MCOLN3: variants seen among roughly 807,000 people sequenced by gnomAD.
MCOLN3 encodes mucolipin-3.
MCOLN3 carries 62 observed loss-of-function variants against 69.4 expected under a neutral mutation model. The observed-to-expected ratio is 0.89, with a 90% CI of 0.73 to 1.10. The LOEUF (loss-of-function observed/expected upper bound fraction) is 1.10, where lower values mean the gene tolerates loss of function less well. MCOLN3 is among the 50% of genes least tolerant of loss of function. MCOLN3 has a pLI of 0.00. For missense variants in MCOLN3, 564 were observed against 656.4 expected (o/e 0.86, Z 1.54); for synonymous variants, 183 against 217.0 (o/e 0.84, Z 1.38).
Position 85,022,437 on chromosome 1 carries a change from G to T in MCOLN3, c.1096-37C>A, listed in dbSNP as rs557663656. On this transcript the variant is annotated intron_variant, in intron 9 of 12. Coordinates refer to ENST00000370589, the MANE Select transcript of MCOLN3 (RefSeq NM_018298.11). ...TGGAAAAATATAATCAGATTATAAA[G>T]CAGAAATTCATTTGGCAATAAATAT... The T allele has an allele frequency of 2.2e-4, 315 of 1,421,862 alleles. 3 individuals carry two copies. The South Asian group carries it at 3.4e-3, about 15-fold the overall frequency. 88.1% of individuals were successfully genotyped at this position (1,421,862 alleles called of 1,614,324 possible).
At chr1:85,043,709 C>T (rs1653195130) in intron 2 of MCOLN3, among the ~76,000 whole-genome samples, 3 of 152,128 alleles carry the variant, frequency 2.0e-5, no homozygotes, top group African/African-American at 7.2e-5. Flanking sequence ...CATATTATCA[C>T]TCAGAAGTTA....
intron 2 of MCOLN3, 151 bp from the exon 3 acceptor site, chr1:85,041,328 T>A: frequency 1.5e-6 from 1 of 658,998 alleles, no homozygotes; most frequent in Non-Finnish European, 2.5e-6. Flanking sequence ...GATAATAAAT[T>A]AAGAAAGTCC....
chr1:85,044,298 T>C (rs568006785), intron 2 of MCOLN3, among the ~76,000 whole-genome samples: 4 of 152,330 alleles, frequency 2.6e-5, no homozygotes, highest in African/African-American at 9.6e-5. Context: ...CAGTTAAAAT[T>C]AGTAATATCC....
chr1:85,045,852 G>A (rs1470365032), intron 1 of MCOLN3, among the ~76,000 whole-genome samples: 4 of 152,114 alleles, frequency 2.6e-5, no homozygotes, highest in Non-Finnish European at 5.9e-5. Context: ...AGATAGCAGG[G>A]TGTAGTGTAA....
intron 12 of MCOLN3, among the ~76,000 whole-genome samples, chr1:85,020,652 C>T (rs867963834): frequency 6.6e-6 from 1 of 152,208 alleles, no homozygotes; most frequent in Non-Finnish European, 1.5e-5. Context: ...GGCTCAGTTA[C>T]AGTACACTCA....
intron 3 of MCOLN3, among the ~76,000 whole-genome samples, chr1:85,037,538 G>A (rs1652855782): frequency 6.6e-6 from 1 of 152,204 alleles, no homozygotes. Context: ...GCAGGTACCT[G>A]TTCACATTAT....
chr1:85,030,718 A>G (rs56101051), intron 6 of MCOLN3, among the ~76,000 whole-genome samples: 5,617 of 152,346 alleles, frequency 0.037, 193 homozygotes, highest in East Asian at 0.19. Context: ...TAAAGGAAAA[A>G]TTTAAAAGCC....
intron 7 of MCOLN3, 123 bp from the exon 8 acceptor site, chr1:85,026,407 T>C (rs1652219827): frequency 1.4e-6 from 1 of 693,350 alleles, no homozygotes; most frequent in African/African-American, 1.8e-5. Context: ...GAAGCCCTGA[T>C]AAACGGTCTT....
intron 9 of MCOLN3, chr1:85,024,800 T>G (rs1202639197): frequency 6.6e-6 from 1 of 152,178 alleles, no homozygotes; most frequent in Non-Finnish European, 1.5e-5. Context: ...TGGTTTTTTA[T>G]TTGTCCCTAA....
intron 3 of MCOLN3, among the ~76,000 whole-genome samples, chr1:85,037,724 C>T (rs1652863881): frequency 6.6e-6 from 1 of 152,128 alleles, no homozygotes; most frequent in African/African-American, 2.4e-5. Context: ...CTCTAGAGCC[C>T]AAGACAGAGG....
rs374397706 is a variant in MCOLN3, at chr1:85,026,314, A to C, written c.833-30T>G. 13 of 1,382,214 alleles carry C rather than the reference A, an allele frequency of 9.4e-6. No homozygotes were observed. The African/African-American group carries it at 1.7e-4, about 18-fold the overall frequency. 85.6% of individuals were successfully genotyped at this position (1,382,214 alleles called of 1,614,324 possible). A position where few individuals can be genotyped will look rare whatever the true frequency, so the allele number is the denominator to read the frequency against. On this transcript the variant is annotated intron_variant, in intron 7 of 12. Transcript: ENST00000370589. Reference sequence around the variant, plus strand: ...AAGCAAAGAGGATTACATAGTGCTTATGTAGTGGGACATTAATATGGTGAC... The same window carrying C: ...AAGCAAAGAGGATTACATAGTGCTTCTGTAGTGGGACATTAATATGGTGAC...
At chr1:85,024,272 G>A (rs1239679632) in intron 9 of MCOLN3, among the ~76,000 whole-genome samples, 1 of 152,180 alleles carries the variant, frequency 6.6e-6, no homozygotes, top group Non-Finnish European at 1.5e-5. Flanking sequence ...GGAGGAATTA[G>A]GGTTGAGATA....
At chr1:85,026,388 G>T (rs1652219288) in intron 7 of MCOLN3, 104 bp from the exon 8 acceptor site, 2 of 790,696 alleles carry the variant, frequency 2.5e-6, no homozygotes, top group Non-Finnish European at 4.2e-6. Context: ...TTTCTGGTAA[G>T]ACAACAAAGA....
chr1:85,039,818 G>T (rs1652975023), intron 3 of MCOLN3, among the ~76,000 whole-genome samples: 1 of 151,982 alleles, frequency 6.6e-6, no homozygotes, highest in African/African-American at 2.4e-5. Context: ...AAGCATGGTG[G>T]TGCATGCCTG....
chr1:85,027,344 A>G (rs1652272654), intron 7 of MCOLN3, among the ~76,000 whole-genome samples: 1 of 152,212 alleles, frequency 6.6e-6, no homozygotes, highest in Non-Finnish European at 1.5e-5. Context: ...GTGTTAACCT[A>G]TTTGATCTTC....
intron 6 of MCOLN3, among the ~76,000 whole-genome samples, chr1:85,032,204 G>A (rs1017622989): frequency 1.3e-5 from 2 of 152,170 alleles, no homozygotes; most frequent in African/African-American, 2.4e-5. Flanking sequence ...GTACATTGTC[G>A]TAAGGTTCTT....
intron 9 of MCOLN3, among the ~76,000 whole-genome samples, chr1:85,023,866 T>C (rs1434658288): frequency 6.6e-6 from 1 of 152,174 alleles, no homozygotes; most frequent in East Asian, 1.9e-4. Flanking sequence ...AACCAGGTGA[T>C]AGTCCATTGA....
rs1653138814 is a variant in MCOLN3 at position 85,042,889 on chromosome 1, G to A, written c.229-1712C>T. Among the ~76,000 whole-genome samples, 4 of 152,266 alleles carry A rather than the reference G, an allele frequency of 2.6e-5. No homozygotes were observed. In the South Asian group the frequency reaches 8.3e-4, roughly 32 times the overall value. On this transcript the variant is annotated intron_variant, in intron 2 of 12. Transcript: ENST00000370589. ...AGCTGTCTTTATCTAATATTTGTTTGATTGCTCTGATATAAATTAAGGAAA... is the reference window on the plus strand; with the variant it reads ...AGCTGTCTTTATCTAATATTTGTTTAATTGCTCTGATATAAATTAAGGAAA...
chr1:85,040,869 T>TA, intron 3 of MCOLN3, 141 bp downstream of exon 3: 1 of 790,554 alleles, frequency 1.3e-6, no homozygotes, highest in Non-Finnish European at 1.8e-6. Flanking sequence ...TTTAAAAAAT[T>TA]AAAAATAATT....
Sources: allele counts gnomAD v4.1 joint callset (sites outside exome capture counted in the v4.1 genomes callset), GRCh38; gene constraint gnomAD v4.1.1; transcripts MANE v1.5; gene names NCBI Gene and HGNC (gene_info 2026-07-23, HGNC 2026-07-21).